The following PAPSS1 variants were observed in gnomAD, a reference collection of about 807,000 sequenced individuals.
The protein encoded by PAPSS1 is 3'-phosphoadenosine 5'-phosphosulfate synthase 1, also known as bifunctional 3'-phosphoadenosine 5'-phosphosulfate synthase 1.
In PAPSS1, 50 loss-of-function variants were observed where a neutral mutation model predicts 72.0. The ratio of observed to expected loss-of-function variants is 0.69; its 90% confidence interval spans 0.55 to 0.88. The LOEUF (loss-of-function observed/expected upper bound fraction) is 0.88. Among genes scored for constraint, PAPSS1 ranks in the 40% least tolerant of loss-of-function variants. PAPSS1 has a pLI of 0.00. For synonymous variants in PAPSS1, 261 were observed against 263.6 expected (o/e 0.99, Z 0.09); for missense variants, 657 against 782.2 (o/e 0.84, Z 1.91).
At chr4:107,661,186 G>A (rs947149767) in intron 5 of PAPSS1, among the ~76,000 whole-genome samples, 2 of 152,128 alleles carry the variant, frequency 1.3e-5, no homozygotes, top group African/African-American at 2.4e-5. Flanking sequence ...GCCAAAATCC[G>A]AAACACTGAC....
intron 11 of PAPSS1, among the ~76,000 whole-genome samples, chr4:107,622,332 T>C (rs919068344): frequency 1.3e-5 from 2 of 152,178 alleles, no homozygotes; most frequent in African/African-American, 4.8e-5. Context: ...CTCCCTTCTT[T>C]CTCCCAGATA....
At chr4:107,662,045 T>C (rs1272975763) in intron 5 of PAPSS1, among the ~76,000 whole-genome samples, 1 of 152,204 alleles carries the variant, frequency 6.6e-6, no homozygotes, top group Admixed American at 6.5e-5. Flanking sequence ...GTCTCTGACC[T>C]TTCTAATAAT....
intron 5 of PAPSS1, among the ~76,000 whole-genome samples, chr4:107,680,512 C>G (rs753091400): frequency 1.3e-5 from 2 of 152,186 alleles, no homozygotes; most frequent in Non-Finnish European, 2.9e-5. Context: ...CCCTGTGCCT[C>G]CCAGTATGCC....
chr4:107,662,107 G>A (rs999632512), intron 5 of PAPSS1, among the ~76,000 whole-genome samples: 10 of 152,206 alleles, frequency 6.6e-5, no homozygotes, highest in East Asian at 3.9e-4. Flanking sequence ...AAAAGAAAAC[G>A]TAATATTAAA....
chr4:107,706,157 T>C (rs1004539477), intron 1 of PAPSS1, among the ~76,000 whole-genome samples: 12 of 152,234 alleles, frequency 7.9e-5, no homozygotes, highest in African/African-American at 2.7e-4. Flanking sequence ...ATTAGAACTT[T>C]TGATCTTCCT....
At chr4:107,682,204 T>A (rs1448423355) in intron 4 of PAPSS1, 71 bp from the exon 5 acceptor site, 6 of 769,516 alleles carry the variant, frequency 7.8e-6, no homozygotes, top group Non-Finnish European at 1.3e-5. Context: ...TCAGTGCAGA[T>A]CTCTGCTACA....
At chr4:107,649,601 C>T (rs888777199) in intron 9 of PAPSS1, among the ~76,000 whole-genome samples, 2 of 152,194 alleles carry the variant, frequency 1.3e-5, no homozygotes, top group Non-Finnish European at 1.5e-5. Context: ...CACTTATCAT[C>T]GAGATCCACT....
intron 2 of PAPSS1, 37 bp from the exon 3 acceptor site, chr4:107,694,043 A>C (rs931383311): frequency 1.4e-6 from 2 of 1,409,970 alleles, no homozygotes. Flanking sequence ...CCATGTGTAA[A>C]GTTAGAAGGA....
At chr4:107,619,311 C>G (rs1262111072) in intron 11 of PAPSS1, among the ~76,000 whole-genome samples, 1 of 152,228 alleles carries the variant, frequency 6.6e-6, no homozygotes, top group Non-Finnish European at 1.5e-5. Context: ...CACACTCCAT[C>G]TGCCCTGCAT....
At chr4:107,657,065 A>G in intron 6 of PAPSS1, 58 bp from the exon 7 acceptor site, 3 of 1,029,056 alleles carry the variant, frequency 2.9e-6, no homozygotes, top group East Asian at 4.7e-5. Context: ...GAGCAAAAGC[A>G]GTGATGACCT....
intron 5 of PAPSS1, among the ~76,000 whole-genome samples, chr4:107,677,829 A>G (rs552932987): frequency 3.3e-5 from 5 of 152,370 alleles, no homozygotes; most frequent in African/African-American, 1.2e-4. Flanking sequence ...AATGTGGCAC[A>G]TATACACCGT....
intron 5 of PAPSS1, among the ~76,000 whole-genome samples, chr4:107,678,354 G>A (rs1264324443): frequency 6.6e-6 from 1 of 152,042 alleles, no homozygotes; most frequent in Non-Finnish European, 1.5e-5. Flanking sequence ...GGTAGACAAT[G>A]CATTGAAAAC....
At chr4:107,649,562 C>G (rs565347877) in intron 9 of PAPSS1, among the ~76,000 whole-genome samples, 2 of 152,220 alleles carry the variant, frequency 1.3e-5, no homozygotes, top group Non-Finnish European at 2.9e-5. Context: ...CAGGTTCCCT[C>G]ACCCAATCTC....
At chr4:107,627,582 T>C (rs574464182) in intron 11 of PAPSS1, among the ~76,000 whole-genome samples, 2 of 152,258 alleles carry the variant, frequency 1.3e-5, no homozygotes, top group Admixed American at 6.5e-5. Context: ...CTAAGTAAAT[T>C]AGAATTTTTG....
chr4:107,615,631 A>G (rs989939614), intron 11 of PAPSS1, among the ~76,000 whole-genome samples: 3 of 152,206 alleles, frequency 2.0e-5, no homozygotes, highest in Non-Finnish European at 2.9e-5. Context: ...AATAAGTTAC[A>G]GTATAGTCCT....
intron 11 of PAPSS1, among the ~76,000 whole-genome samples, chr4:107,616,603 C>T (rs1725829416): frequency 6.6e-6 from 1 of 152,086 alleles, no homozygotes; most frequent in East Asian, 1.9e-4. Context: ...CATTCATAGA[C>T]CTTAATAAGT....
chr4:107,698,988 T>C (rs545580385), intron 2 of PAPSS1, among the ~76,000 whole-genome samples: 3 of 152,098 alleles, frequency 2.0e-5, no homozygotes, highest in East Asian at 1.9e-4. Context: ...CCCGTCCCAA[T>C]TGAGGAAGGC....
intron 4 of PAPSS1, among the ~76,000 whole-genome samples, chr4:107,684,367 G>A (rs1434160285): frequency 1.3e-5 from 2 of 152,096 alleles, no homozygotes; most frequent in Non-Finnish European, 2.9e-5. Flanking sequence ...AAGACAAGAA[G>A]AAAATCAAAA....
intron 11 of PAPSS1, among the ~76,000 whole-genome samples, chr4:107,622,181 C>T (rs2110296679): frequency 6.6e-6 from 1 of 152,280 alleles, no homozygotes; most frequent in Non-Finnish European, 1.5e-5. Flanking sequence ...TTCAAAGCTA[C>T]TTTGGCTTCC....
Sources: allele counts gnomAD v4.1 joint callset (sites outside exome capture counted in the v4.1 genomes callset), GRCh38; gene constraint gnomAD v4.1.1; transcripts MANE v1.5; gene names NCBI Gene and HGNC (gene_info 2026-07-23, HGNC 2026-07-21).